The following ESYT2 variants were observed in gnomAD, a reference collection of about 807,000 sequenced individuals.
The protein encoded by ESYT2 is extended synaptotagmin 2.
A neutral mutation model predicts 107.2 loss-of-function variants in ESYT2; 54 were observed. The observed-to-expected ratio is 0.50, with a 90% CI of 0.40 to 0.63. The LOEUF is 0.63. Ranked by LOEUF, ESYT2 falls within the 30% of genes least tolerant of loss-of-function variation. The probability of loss-of-function intolerance (pLI) is 0.00; values close to 1 mark genes in which losing one functional copy is unlikely to be tolerated. For synonymous variants in ESYT2, 491 were observed against 434.1 expected (o/e 1.13, Z -1.63); for missense variants, 1,020 against 1,094.5 (o/e 0.93, Z 0.96).
intron 13 of ESYT2, among the ~76,000 whole-genome samples, chr7:158,756,075 C>A (rs935509258): frequency 6.6e-6 from 1 of 152,122 alleles, no homozygotes; most frequent in African/African-American, 2.4e-5. Flanking sequence ...TTGCCCCCTA[C>A]GCTCCCCCTA....
At chr7:158,795,152 G>T (rs1041877902) in intron 3 of ESYT2, among the ~76,000 whole-genome samples, 33 of 152,260 alleles carry the variant, frequency 2.2e-4, no homozygotes, top group African/African-American at 7.9e-4. Context: ...CGGGAGTCTT[G>T]GTCAGCACAC....
intron 8 of ESYT2, 110 bp from the exon 9 acceptor site, chr7:158,764,963 T>A: frequency 9.4e-7 from 1 of 1,067,314 alleles, no homozygotes; most frequent in Non-Finnish European, 1.4e-6. Flanking sequence ...GCCGAGGGAA[T>A]AAAGACCCTC....
At chr7:158,774,331 G>C (rs1055162864) in intron 6 of ESYT2, among the ~76,000 whole-genome samples, 1 of 152,060 alleles carries the variant, frequency 6.6e-6, no homozygotes, top group Non-Finnish European at 1.5e-5. Flanking sequence ...ATCCTGAAAG[G>C]CTAAGATTTC....
At chr7:158,809,216 A>C (rs146839076) in intron 1 of ESYT2, among the ~76,000 whole-genome samples, 2 of 151,282 alleles carry the variant, frequency 1.3e-5, no homozygotes, top group Non-Finnish European at 3.0e-5. Context: ...GGTGGCTCAT[A>C]CCTGTAATCC....
chr7:158,781,298 T>TCTGA (rs1554586402), intron 6 of ESYT2, among the ~76,000 whole-genome samples: 1 of 151,412 alleles, frequency 6.6e-6, no homozygotes, highest in Admixed American at 6.6e-5. Flanking sequence ...CAGTGTGCGG[T>TCTGA]GTGTGAGAAC....
chr7:158,783,446 C>T (rs962642567), intron 6 of ESYT2, among the ~76,000 whole-genome samples: 1 of 152,178 alleles, frequency 6.6e-6, no homozygotes, highest in African/African-American at 2.4e-5. Flanking sequence ...CTCAGGGCTC[C>T]CACCTTTCTC....
chr7:158,820,836 T>C (rs559852058), intron 1 of ESYT2, among the ~76,000 whole-genome samples: 1 of 152,318 alleles, frequency 6.6e-6, no homozygotes, highest in Non-Finnish European at 1.5e-5. Context: ...ATTCATACTA[T>C]GACTAATGCT....
chr7:158,814,286 A>T lies in ESYT2; in HGVS notation c.330+14803T>A, dbSNP rs1387155923. Among the ~76,000 whole-genome samples, 15 of 110,882 alleles carry T rather than the reference A, an allele frequency of 1.4e-4. 1 individual carries two copies. The highest frequency in any genetic ancestry group is 5.4e-4 in the Admixed American group (6 of 11,180). The allele number at this position is 110,882 out of a possible 152,430, so 72.7% of individuals were successfully genotyped here. A position where few individuals can be genotyped will look rare whatever the true frequency, so the allele number is the denominator to read the frequency against. ...GAGACTCCGTCTCAAAAAAAAAAAA[A>T]TTATATATATATATATATATATATA... On this transcript the variant is annotated intron_variant, in intron 1 of 22. Coordinates refer to ENST00000275418, the MANE Select transcript of ESYT2 (RefSeq NM_001367773.1).
chr7:158,767,782 T>C lies in ESYT2; in HGVS notation c.804-8A>G. 2.5e-6 allele frequency: 4 copies of C among 1,606,410 alleles called. No homozygotes were observed. Among genetic ancestry groups the C allele is most frequent in the Non-Finnish European group, 3.4e-6 (4 of 1,175,432 alleles). ...ATAGTATCTGATAAACCACTGTTAG[T>C]TGGGAGACAAAAAGAGCAAACGGAC... On this transcript the variant is annotated splice_polypyrimidine_tract_variant and splice_region_variant and intron_variant, in intron 7 of 22. Transcript: ENST00000275418.
chr7:158,742,940 C>T (rs1387486443), intron 17 of ESYT2, among the ~76,000 whole-genome samples: 39 of 152,280 alleles, frequency 2.6e-4, no homozygotes, highest in Non-Finnish European at 7.4e-5. Flanking sequence ...GTTCCCATTG[C>T]CCCCTCAATA....
rs1220571397 is a variant in ESYT2, at chr7:158,807,716, T to C, written c.331-8644A>G. The stretch of plus-strand genomic sequence containing the variant: ...GCACTTACGGGCCATGAGGTCTCTG[T>C]CACTACAACTCAACCACAGTTGGAG... On this transcript the variant is annotated intron_variant, in intron 1 of 22. Coordinates refer to ENST00000275418, the MANE Select transcript of ESYT2 (RefSeq NM_001367773.1). Among the ~76,000 whole-genome samples the C allele has an allele frequency of 2.0e-5, 3 of 152,176 alleles. No individual in the cohort carries two copies. The East Asian group carries it at 5.8e-4, about 29-fold the overall frequency.
chr7:158,739,584 G>C (rs559214808), intron 18 of ESYT2, among the ~76,000 whole-genome samples: 2 of 152,296 alleles, frequency 1.3e-5, no homozygotes, highest in East Asian at 3.9e-4. Context: ...CTGACCTCAG[G>C]TGATCCACCT....
chr7:158,752,468 C>T (rs540912559), intron 14 of ESYT2, among the ~76,000 whole-genome samples: 6 of 152,276 alleles, frequency 3.9e-5, no homozygotes, highest in Admixed American at 1.3e-4. Context: ...TTAAGTAGAA[C>T]GTCTATATCA....
chr7:158,737,020 C>A, intron 20 of ESYT2, 28 bp downstream of exon 20: 1 of 1,610,764 alleles, frequency 6.2e-7, no homozygotes, highest in South Asian at 1.1e-5. Context: ...ACCGGGCAGT[C>A]TATCCTCAGC....
chr7:158,778,691 T>A (rs570092933), intron 6 of ESYT2, among the ~76,000 whole-genome samples: 17 of 152,308 alleles, frequency 1.1e-4, no homozygotes, highest in African/African-American at 3.6e-4. Context: ...AACTGACTCA[T>A]CAGCCTTTTG....
At chr7:158,762,004 C>T (rs1299121241) in intron 10 of ESYT2, among the ~76,000 whole-genome samples, 1 of 152,130 alleles carries the variant, frequency 6.6e-6, no homozygotes, top group African/African-American at 2.4e-5. Context: ...GCACAGTGAA[C>T]GCTAACCTCA....
In ESYT2 at chr7:158,782,400, AAGTG is replaced by A. The variant is rs1189463747; in HGVS notation, c.747+5600_747+5603del. On this transcript the variant is annotated intron_variant, in intron 6 of 22. Transcript: ENST00000275418. ...AACAAAGTGAGGTAAGAACGAGAAC[AAGTG>A]AGTGAACGAGTGTGAGAACAAAGTG... Among the ~76,000 whole-genome samples, 617 of 114,082 alleles carry A rather than the reference AAGTG, an allele frequency of 5.4e-3. 13 individuals carry two copies. Among genetic ancestry groups the A allele is most frequent in the African/African-American group, 0.022 (594 of 26,746 alleles). The allele number at this position is 114,082 out of a possible 152,430, so 74.8% of individuals were successfully genotyped here. A position where few individuals can be genotyped will look rare whatever the true frequency, so the allele number is the denominator to read the frequency against.
At chr7:158,820,713 T>C (rs1840265138) in intron 1 of ESYT2, among the ~76,000 whole-genome samples, 1 of 152,154 alleles carries the variant, frequency 6.6e-6, no homozygotes. Flanking sequence ...CTGAGCCCAG[T>C]AGGTTGAGGC....
intron 13 of ESYT2, among the ~76,000 whole-genome samples, chr7:158,758,934 GCA>G (rs1207785953): frequency 6.6e-6 from 1 of 152,152 alleles, no homozygotes; most frequent in Non-Finnish European, 1.5e-5. Flanking sequence ...ATGCTTCTAG[GCA>G]CAGAGTGTCT....
Sources: gnomAD v4.1 joint callset for allele counts (sites outside exome capture counted in the v4.1 genomes callset) on GRCh38, gnomAD v4.1.1 for gene constraint, MANE v1.5 for transcripts, NCBI Gene and HGNC (gene_info 2026-07-23, HGNC 2026-07-21) for gene names.